Variants in DOCK3 observed in about 807,000 individuals in gnomAD.
DOCK3 encodes dedicator of cytokinesis 3.
Under a neutral mutation model 265.6 loss-of-function variants are expected in DOCK3, and 60 were observed. The ratio of observed to expected loss-of-function variants is 0.23; its 90% confidence interval spans 0.18 to 0.28. The LOEUF (loss-of-function observed/expected upper bound fraction) is 0.28, where lower values mean the gene tolerates loss of function less well. DOCK3 is among the 10% of genes least tolerant of loss of function. The pLI, the probability that DOCK3 is intolerant of heterozygous loss-of-function variation, is 1.00. For synonymous variants in DOCK3, 881 were observed against 938.0 expected (o/e 0.94, Z 1.11); for missense variants, 1,981 against 2,594.3 (o/e 0.76, Z 5.14).
intron 6 of DOCK3, among the ~76,000 whole-genome samples, chr3:51,071,806 A>G (rs1044996499): frequency 1.3e-5 from 2 of 152,180 alleles, no homozygotes; most frequent in Non-Finnish European, 2.9e-5. Flanking sequence ...CGAGTAAACC[A>G]TAGGAAAAAA....
intron 12 of DOCK3, among the ~76,000 whole-genome samples, chr3:51,196,920 T>G (rs1010583200): frequency 6.6e-6 from 1 of 152,244 alleles, no homozygotes; most frequent in African/African-American, 2.4e-5. Flanking sequence ...AAGTGTCATA[T>G]TTCCTTGCTT....
intron 1 of DOCK3, among the ~76,000 whole-genome samples, chr3:50,726,303 A>G (rs1438184973): frequency 6.6e-6 from 1 of 152,154 alleles, no homozygotes; most frequent in African/African-American, 2.4e-5. Flanking sequence ...AGAAGGGACA[A>G]TATTTGGGGC....
chr3:51,258,565 G>T (rs2079673935), intron 22 of DOCK3, among the ~76,000 whole-genome samples: 2 of 151,998 alleles, frequency 1.3e-5, no homozygotes, highest in South Asian at 4.1e-4. Flanking sequence ...GTGCGGTGGC[G>T]TGATCTCGGC....
chr3:50,967,313 A>G (rs2077063117), intron 5 of DOCK3, among the ~76,000 whole-genome samples: 1 of 152,204 alleles, frequency 6.6e-6, no homozygotes, highest in Non-Finnish European at 1.5e-5. Context: ...CATAATGACC[A>G]CTAGATCCAA....
At chr3:50,914,470 A>T (rs1348162811) in intron 4 of DOCK3, among the ~76,000 whole-genome samples, 1 of 152,076 alleles carries the variant, frequency 6.6e-6, no homozygotes, top group Non-Finnish European at 1.5e-5. Flanking sequence ...TTTATTCTGA[A>T]ACATGTTGTT....
chr3:50,927,265 C>T (rs945175770), intron 4 of DOCK3, among the ~76,000 whole-genome samples: 1 of 152,106 alleles, frequency 6.6e-6, no homozygotes, highest in African/African-American at 2.4e-5. Flanking sequence ...TGGATGCTCC[C>T]ACAGGGCAGT....
chr3:51,116,898 T>C (rs2083766953), intron 9 of DOCK3, among the ~76,000 whole-genome samples: 1 of 152,238 alleles, frequency 6.6e-6, no homozygotes, highest in South Asian at 2.1e-4. Flanking sequence ...TACCATCATG[T>C]AATCTGCAAA....
intron 4 of DOCK3, among the ~76,000 whole-genome samples, chr3:50,904,459 CT>C (rs1317112789): frequency 1.3e-5 from 2 of 152,190 alleles, no homozygotes; most frequent in African/African-American, 4.8e-5. Flanking sequence ...GCCATTCTAA[CT>C]GGTGTGAGAT....
At chr3:50,901,013 A>G (rs1328778877) in intron 4 of DOCK3, 1 of 373,140 alleles carries the variant, frequency 2.7e-6, no homozygotes, top group East Asian at 9.0e-5. Context: ...GTGCTGGGAG[A>G]TTCGCTCCTC....
chr3:51,008,198 T>TA (rs1260664265), intron 5 of DOCK3, among the ~76,000 whole-genome samples: 2 of 152,218 alleles, frequency 1.3e-5, no homozygotes, highest in Non-Finnish European at 2.9e-5. Context: ...GCATTGAATC[T>TA]ATAAATTACC....
At chr3:51,327,489 G>T (rs759034474) in intron 32 of DOCK3, among the ~76,000 whole-genome samples, 14 of 152,200 alleles carry the variant, frequency 9.2e-5, no homozygotes, top group African/African-American at 3.1e-4. Flanking sequence ...TTGATGGTCA[G>T]TGTCACTAAT....
intron 2 of DOCK3, among the ~76,000 whole-genome samples, chr3:50,826,014 A>G (rs2044737129): frequency 6.6e-6 from 1 of 151,668 alleles, no homozygotes; most frequent in Admixed American, 6.6e-5. Flanking sequence ...TACCCACAGT[A>G]TTTCCCATGG....
intron 2 of DOCK3, among the ~76,000 whole-genome samples, chr3:50,830,899 G>T (rs552698958): frequency 6.6e-6 from 1 of 152,182 alleles, no homozygotes; most frequent in East Asian, 1.9e-4. Context: ...TATTTTTATG[G>T]TTATTTCTTG....
intron 1 of DOCK3, among the ~76,000 whole-genome samples, chr3:50,738,945 A>C (rs144733585): frequency 2.0e-5 from 3 of 151,952 alleles, no homozygotes; most frequent in Admixed American, 1.3e-4. Context: ...GGCACAAACA[A>C]CTCTCTGTAA....
At chr3:50,685,454 T>G (rs2034722622) in intron 1 of DOCK3, 1 of 152,640 alleles carries the variant, frequency 6.6e-6, no homozygotes, top group Non-Finnish European at 1.5e-5. Context: ...TTCTAGTGAT[T>G]TGACATTATT....
At position 50,890,073 on chromosome 3, in the gene DOCK3, T is replaced by C; in HGVS notation, c.210T>C (p.Ser70=). 3 of 1,435,460 alleles carry C rather than the reference T, an allele frequency of 2.1e-6. No homozygotes were observed. Among genetic ancestry groups the C allele is most frequent in the Non-Finnish European group, 2.7e-6 (3 of 1,105,262 alleles). The allele number at this position is 1,435,460 out of a possible 1,614,324, so 88.9% of individuals were successfully genotyped here. The change falls in exon 4 of 53, where the codon AGT becomes AGC. Residue 70 remains serine, a synonymous_variant. Coordinates refer to ENST00000266037, the MANE Select transcript of DOCK3 (RefSeq NM_004947.5). The part of the protein sequence containing the change: ...NYIHLKKAIV[S]NRGQYETVVP... ...TTCACTTGAAAAAGGCAATTGTCAG[T>C]AATAGGGGGTGAGTAATTGGCCTTA... is the stretch of plus-strand genomic sequence containing the variant.
intron 2 of DOCK3, among the ~76,000 whole-genome samples, chr3:50,827,967 A>G (rs1479293237): frequency 1.4e-5 from 2 of 144,476 alleles, no homozygotes; most frequent in Admixed American, 6.9e-5. Context: ...TTTTTTTGAG[A>G]TGGAGTCTTG....
chr3:51,218,596 T>C (rs1056257866), intron 14 of DOCK3, among the ~76,000 whole-genome samples: 5 of 152,220 alleles, frequency 3.3e-5, no homozygotes, highest in African/African-American at 1.2e-4. Context: ...AATAAAGGGC[T>C]TTGTCGTGGT....
At chr3:51,214,013 AT>A in intron 13 of DOCK3, 108 bp from the exon 14 acceptor site, 1 of 1,469,182 alleles carries the variant, frequency 6.8e-7, no homozygotes, top group Non-Finnish European at 9.2e-7. Context: ...TTTCTCAAGA[AT>A]TTTGCTGAAC....
Sources: gnomAD v4.1 joint callset for allele counts (sites outside exome capture counted in the v4.1 genomes callset) on GRCh38, gnomAD v4.1.1 for gene constraint, MANE v1.5 for transcripts, NCBI Gene and HGNC (gene_info 2026-07-23, HGNC 2026-07-21) for gene names.